INSL6: variants seen among roughly 807,000 people sequenced by gnomAD.
The protein encoded by INSL6 is insulin like 6, also known as insulin-like peptide INSL6.
Under a neutral mutation model 9.4 loss-of-function variants are expected in INSL6, and 16 were observed. That is an observed-to-expected ratio of 1.70 (90% CI 1.15 to 2.59). The LOEUF is 2.59. INSL6 is among the 30% of genes most tolerant of loss of function. The pLI is 0.00. For synonymous variants in INSL6, 154 were observed against 96.9 expected (o/e 1.59, Z -3.46); for missense variants, 391 against 257.3 (o/e 1.52, Z -3.56).
chr9:5,080,203 C>T, the INSL6 span: 9 of 1,557,580 alleles, frequency 5.8e-6, no homozygotes, highest in African/African-American at 1.4e-5. Context: ...ATTATTTAAC[C>T]CTACTCTGTT....
chr9:5,082,964 A>C, the INSL6 span, among the ~76,000 whole-genome samples: 1 of 152,250 alleles, frequency 6.6e-6, no homozygotes, highest in Non-Finnish European at 1.5e-5. Flanking sequence ...CTACATAGAC[A>C]CAGTAACACA....
At position 5,131,417 on chromosome 9, in the gene INSL6, T is replaced by C. The variant is rs1824278862; in HGVS notation, c.*10+2008A>G. Among the ~76,000 whole-genome samples the C allele has an allele frequency of 4.0e-5, 6 of 150,334 alleles. No homozygotes were observed. The South Asian group carries it at 1.3e-3, about 31-fold the overall frequency. ...TTTAAGAACAAATAGCTGAATTCTT[T>C]AACACCACCAGTTAACAATTTTTTT... On this transcript the variant is annotated intron_variant, in intron 3 of 3. Coordinates refer to the INSL6 transcript ENST00000649639.
chr9:5,115,122 C>G, the INSL6 span, among the ~76,000 whole-genome samples: 1 of 152,126 alleles, frequency 6.6e-6, no homozygotes, highest in Non-Finnish European at 1.5e-5. Context: ...TCAGAGTGAA[C>G]AGGCTACCTA....
chr9:5,082,707 T>G, the INSL6 span, among the ~76,000 whole-genome samples: 1 of 152,236 alleles, frequency 6.6e-6, no homozygotes, highest in Non-Finnish European at 1.5e-5. Flanking sequence ...CCTGCGGCTT[T>G]CCGCAGTGCA....
At chr9:5,078,466 T>C in the INSL6 span, 439 of 1,592,864 alleles carry the variant, frequency 2.8e-4, 1 homozygote, top group East Asian at 9.0e-5. Flanking sequence ...AAGGATTATA[T>C]ATAATGTTAC....
the INSL6 span, chr9:5,085,185 T>C: frequency 9.1e-6 from 6 of 656,632 alleles, no homozygotes; most frequent in Non-Finnish European, 1.8e-5. Flanking sequence ...AACTGAACCA[T>C]CTCATGATCA....
the INSL6 span, among the ~76,000 whole-genome samples, chr9:5,026,293 A>G: frequency 0.26 from 40,053 of 151,982 alleles, 5,461 homozygotes; most frequent in South Asian, 0.32. Context: ...ATGCCTCCCA[A>G]TGTATTTTTC....
the INSL6 span, among the ~76,000 whole-genome samples, chr9:5,005,484 A>G: frequency 6.6e-6 from 1 of 152,046 alleles, no homozygotes; most frequent in Admixed American, 6.5e-5. Flanking sequence ...TGATTTCTAA[A>G]TGTTAACTTT....
chr9:5,099,426 C>T, the INSL6 span: 1 of 152,210 alleles, frequency 6.6e-6, no homozygotes, highest in Non-Finnish European at 1.5e-5. Context: ...GATACTTCCA[C>T]ATGATCCATT....
intron 2 of INSL6, among the ~76,000 whole-genome samples, chr9:5,139,111 C>G (rs567991798): frequency 1.3e-5 from 2 of 152,114 alleles, no homozygotes; most frequent in Non-Finnish European, 2.9e-5. Context: ...CTAATAATGC[C>G]AAATAAAGGT....
At chr9:5,146,832 G>A (rs1274920292) in intron 2 of INSL6, among the ~76,000 whole-genome samples, 1 of 152,162 alleles carries the variant, frequency 6.6e-6, no homozygotes, top group African/African-American at 2.4e-5. Context: ...CATAGGGGCT[G>A]CCTCATTGGA....
downstream of INSL6, among the ~76,000 whole-genome samples, chr9:5,122,185 A>G (rs190070278): frequency 9.9e-5 from 15 of 152,260 alleles, no homozygotes; most frequent in Admixed American, 2.6e-4. Context: ...CACATTTTTA[A>G]TATCAGTCTA....
chr9:5,130,877 T>C (rs10974975), intron 3 of INSL6, among the ~76,000 whole-genome samples: 61,043 of 147,932 alleles, frequency 0.41, 15,566 homozygotes, highest in African/African-American at 0.73. Flanking sequence ...TACAGGCGCC[T>C]GCCACTACAC....
chr9:5,012,375 T>G, the INSL6 span, among the ~76,000 whole-genome samples: 1 of 152,160 alleles, frequency 6.6e-6, no homozygotes, highest in Non-Finnish European at 1.5e-5. Flanking sequence ...TATAAATATA[T>G]ATTTTTAAAA....
At chr9:5,162,894 G>C (rs1285182130), downstream of INSL6, among the ~76,000 whole-genome samples, 1 of 152,136 alleles carries the variant, frequency 6.6e-6, no homozygotes, top group Non-Finnish European at 1.5e-5. Flanking sequence ...TGGGTACGAA[G>C]TAGGAATTCC....
chr9:5,106,811 A>T, the INSL6 span, among the ~76,000 whole-genome samples: 181 of 152,278 alleles, frequency 1.2e-3, 1 homozygote, highest in African/African-American at 4.1e-3. Context: ...AGAAAAGCAA[A>T]CACTGCATGT....
At chr9:5,161,124 C>T (rs574720570), downstream of INSL6, among the ~76,000 whole-genome samples, 1 of 152,190 alleles carries the variant, frequency 6.6e-6, no homozygotes, top group South Asian at 2.1e-4. Flanking sequence ...TAAACAAAGG[C>T]ACATCAAAAA....
rs773239451 is a variant in INSL6, at chr9:5,185,311, T to C, written c.289+3A>G. 11 of 1,614,128 alleles carry C rather than the reference T, an allele frequency of 6.8e-6. No homozygotes were observed. Among genetic ancestry groups the C allele is most frequent in the Non-Finnish European group, 9.3e-6 (11 of 1,179,992 alleles). On this transcript the variant is annotated splice_donor_region_variant and intron_variant, in intron 1 of 1. Transcript: ENST00000381641. ...CAAACATGCCTTCGGTTTCGATTTTTACCTGGGTTTGTGCCTCTTCCCCGG... is the reference window on the plus strand; with the variant it reads ...CAAACATGCCTTCGGTTTCGATTTTCACCTGGGTTTGTGCCTCTTCCCCGG...
the INSL6 span, among the ~76,000 whole-genome samples, chr9:4,993,851 C>A: frequency 6.6e-6 from 1 of 152,236 alleles, no homozygotes; most frequent in Non-Finnish European, 1.5e-5. Context: ...ATTCTCCCCA[C>A]GTCTGTGTGG....
Sources: gnomAD v4.1 joint callset for allele counts (sites outside exome capture counted in the v4.1 genomes callset) on GRCh38, gnomAD v4.1.1 for gene constraint, MANE v1.5 for transcripts, NCBI Gene and HGNC (gene_info 2026-07-23, HGNC 2026-07-21) for gene names.